The following GMIP variants were observed in gnomAD, a reference collection of about 807,000 sequenced individuals.
GMIP encodes GEM interacting protein.
A neutral mutation model predicts 105.3 loss-of-function variants in GMIP; 54 were observed. The observed-to-expected ratio is 0.51, with a 90% CI of 0.41 to 0.64. GMIP has a LOEUF of 0.64. Ranked by LOEUF, GMIP falls within the 30% of genes least tolerant of loss-of-function variation. The pLI, the probability that GMIP is intolerant of heterozygous loss-of-function variation, is 0.00. For synonymous variants in GMIP, 541 were observed against 560.8 expected, an observed-to-expected ratio of 0.96 and a Z score of 0.50; for missense variants, 1,110 against 1,319.4, an observed-to-expected ratio of 0.84 and a Z score of 2.46.
chr19:19,629,730 G>C lies in GMIP; in HGVS notation c.*233C>G. On this transcript the variant is annotated 3_prime_UTR_variant, in exon 21 of 21. Transcript: ENST00000203556. The stretch of plus-strand genomic sequence containing the variant: ...GTGACCTCTGAGCCCGAGTGGCCCT[G>C]ATGCTTGGCAGTGACCTGTGTCTAG... 1.8e-6 allele frequency: 1 copy of C among 562,028 alleles called. No individual in the cohort carries two copies. The highest frequency in any genetic ancestry group is 3.1e-6 in the Non-Finnish European group (1 of 319,344). 34.8% of individuals were successfully genotyped at this position (562,028 alleles called of 1,614,324 possible). A position where few individuals can be genotyped will look rare whatever the true frequency, so the allele number is the denominator to read the frequency against.
In GMIP at chr19:19,638,055, C is replaced by A; in HGVS notation, c.792G>T (p.Ala264=). 2.6e-6 allele frequency: 4 copies of A among 1,563,252 alleles called. No homozygotes were observed. Among genetic ancestry groups the A allele is most frequent in the Non-Finnish European group, 2.6e-6 (3 of 1,156,422 alleles). The change falls in exon 10 of 21, where the codon GCG becomes GCT. Residue 264 remains alanine (A), a splice_region_variant and synonymous_variant. Transcript: ENST00000203556. ...RRSREEAQAK[A]QEAEALYQAC... ...CCTGGTACAGCGCCTCGGCCTCCTG[C>A]GCCTGGGGAAACGGGAGGCCAGGAG...
At chr19:19,638,786 T>G (rs904414742) in intron 7 of GMIP, among the ~76,000 whole-genome samples, 18 of 151,344 alleles carry the variant, frequency 1.2e-4, no homozygotes, top group African/African-American at 3.9e-4. Context: ...TTCTTTTTTT[T>G]TTTTTTTTTG....
intron 19 of GMIP, 58 bp downstream of exon 19, chr19:19,633,744 TA>T: frequency 8.4e-7 from 1 of 1,197,160 alleles, no homozygotes; most frequent in Non-Finnish European, 1.1e-6. Flanking sequence ...AAAGAGAAGG[TA>T]AGAGAATTGA....
In GMIP at chr19:19,636,993, A is replaced by T; in HGVS notation, c.1161T>A (p.Pro387=). The T allele has an allele frequency of 1.9e-6, 3 of 1,578,812 alleles. No homozygotes were observed. Among genetic ancestry groups the T allele is most frequent in the African/African-American group, 1.3e-5 (1 of 74,322 alleles). ...PLDIRKKLSG[P]LPPRLDENSA... ...AATTCTCATCCAGCCTTGGAGGAAG[A>T]GGCCCAGAGAGCTTCTTTCTGATGT... The change falls in exon 12 of 21, where the codon CCT becomes CCA. Residue 387 remains proline (P), a synonymous_variant. Transcript: ENST00000203556.
rs1317187135 is a variant in GMIP at position 19,634,180 on chromosome 19, G to A, written c.2095C>T (p.Arg699Ter). ...LVAHLFRVAA[R>*]FMENKMSANN... ...GCAGACATCTTGTTTTCCATAAATC[G>A]TGCAGCCACCCTGGGGATGGTGTGA... is the stretch of plus-strand genomic sequence containing the variant. Residue 699 changes from arginine (R) to a stop codon, truncating the protein, a stop_gained, in exon 19 of 21, where the codon CGA becomes TGA. Coordinates refer to ENST00000203556, the MANE Select transcript of GMIP (RefSeq NM_016573.4). LOFTEE classifies it high-confidence loss of function. The surrounding 1 kb of genome is among the most constrained non-coding windows in gnomAD (Gnocchi z 6.1). 3.8e-6 allele frequency: 6 copies of A among 1,598,016 alleles called. No homozygotes were observed. The highest frequency in any genetic ancestry group is 2.2e-5 in the South Asian group (2 of 90,080).
chr19:19,633,668 A>G (rs1252558852), intron 19 of GMIP, 135 bp downstream of exon 19: 4 of 620,634 alleles, frequency 6.4e-6, no homozygotes, highest in Non-Finnish European at 7.4e-6. Flanking sequence ...TCCTTCCAGA[A>G]TGAACATAAG....
Position 19,630,183 on chromosome 19 carries a change from G to T in GMIP, c.2693C>A (p.Thr898Asn), listed in dbSNP as rs1219488502. The T allele has an allele frequency of 1.2e-6, 2 of 1,603,380 alleles. No individual in the cohort carries two copies. The highest frequency in any genetic ancestry group is 8.5e-7 in the Non-Finnish European group (1 of 1,172,678). Residue 898 changes from threonine (T) to asparagine (N), a missense_variant, in exon 21 of 21, where the codon ACC (threonine) becomes AAC (asparagine). Thr to Asn is a moderately conservative substitution (Grantham distance 65). Around this residue, in one of 3 missense-constraint regions of GMIP, gnomAD observed 394 missense variants for 450.5 expected, o/e 0.87. Coordinates refer to ENST00000203556, the MANE Select transcript of GMIP (RefSeq NM_016573.4). This position sits in a 1 kb window ranked among gnomAD's most constrained non-coding sequence, Gnocchi z 4.8. Reference sequence around the variant, plus strand: ...CCCTCTGGGCACTGATGTGATGGGGGTCTCCTCGCACAGCTTGGAAGCCAC... The same window carrying T: ...CCCTCTGGGCACTGATGTGATGGGGTTCTCCTCGCACAGCTTGGAAGCCAC... ...ALVASKLCEE[T>N]PITSVPRGSL...
rs1302462433 is a variant in GMIP, at chr19:19,630,092, G to T, written c.2784C>A (p.Thr928=). The T allele has an allele frequency of 6.2e-7, 1 of 1,610,958 alleles. No homozygotes were observed. Among genetic ancestry groups the T allele is most frequent in the Non-Finnish European group, 8.5e-7 (1 of 1,178,914 alleles). ...ASPEGSPLRR[T]PLPKHFEITQ... is the part of the protein sequence containing the mutation. ...TAATCTCAAAATGCTTGGGCAGCGGGGTGCGGCGCAGGGGGCTGCCCTCAG... is the reference window on the plus strand; with the variant it reads ...TAATCTCAAAATGCTTGGGCAGCGGTGTGCGGCGCAGGGGGCTGCCCTCAG... Residue 928 remains threonine, a synonymous_variant, in exon 21 of 21, where the codon ACC becomes ACA. Coordinates refer to ENST00000203556, the MANE Select transcript of GMIP (RefSeq NM_016573.4). The surrounding 1 kb of genome is among the most constrained non-coding windows in gnomAD (Gnocchi z 4.8).
Position 19,637,554 on chromosome 19 carries a change from A to G in GMIP, c.935T>C (p.Leu312Pro). Residue 312 changes from leucine (L) to proline (P), a missense_variant, in exon 11 of 21, where the codon CTG becomes CCG. Physicochemically the swap from Leu to Pro is moderately conservative, Grantham distance 98. Transcript: ENST00000203556. This position sits in a 1 kb window ranked among gnomAD's most constrained non-coding sequence, Gnocchi z 6.7. ...QGDEVLRRVT[L>P]SLFGLRGAQA... ...CGCCCCCCGCAGCCCGAAGAGACTC[A>G]GCGTCACCTGCCGGGTGGAGACAGC... The G allele has an allele frequency of 1.3e-6, 2 of 1,525,268 alleles. No homozygotes were observed. Among genetic ancestry groups the G allele is most frequent in the Non-Finnish European group, 1.8e-6 (2 of 1,141,514 alleles). 94.5% of individuals were successfully genotyped at this position (1,525,268 alleles called of 1,614,324 possible). A position where few individuals can be genotyped will look rare whatever the true frequency, so the allele number is the denominator to read the frequency against.
chr19:19,636,352 G>A (rs1389855450), intron 13 of GMIP, among the ~76,000 whole-genome samples: 2 of 151,644 alleles, frequency 1.3e-5, no homozygotes, highest in African/African-American at 4.8e-5. Flanking sequence ...GTGAAACCCC[G>A]TCTCTACTAA....
In GMIP at chr19:19,640,553, C is replaced by T. The variant is rs776634856; in HGVS notation, c.257G>A (p.Arg86Gln). 8.7e-6 allele frequency: 14 copies of T among 1,613,916 alleles called. No individual in the cohort carries two copies. Among genetic ancestry groups the T allele is most frequent in the African/African-American group, 2.7e-5 (2 of 74,972 alleles). ...VPLTGEELDL[R>Q]LIRTKGGVDA... is the part of the protein sequence containing the mutation. ...CACACCCCCCTTTGTCCGAATGAGC[C>T]GCAAGTCCAGTTCCTCCCCTGGGGA... The change falls in exon 5 of 21, where the codon CGG becomes CAG. Residue 86 changes from arginine to glutamine, a missense_variant. Coordinates refer to ENST00000203556, the MANE Select transcript of GMIP (RefSeq NM_016573.4).
Position 19,630,389 on chromosome 19 carries a change from C to A in GMIP, c.2540-53G>T. 6.4e-7 allele frequency: 1 copy of A among 1,571,724 alleles called. No homozygotes were observed. The highest frequency in any genetic ancestry group is 8.6e-7 in the Non-Finnish European group (1 of 1,161,342). ...GAGCACCTCCAAGTTCTCTGTATAT[C>A]CCCCCAGGAGTCATCTTTTAGCAAG... is the stretch of plus-strand genomic sequence containing the variant. On this transcript the variant is annotated intron_variant, in intron 20 of 20. Coordinates refer to ENST00000203556, the MANE Select transcript of GMIP (RefSeq NM_016573.4). This position sits in a 1 kb window ranked among gnomAD's most constrained non-coding sequence, Gnocchi z 4.8.
chr19:19,634,370 A>C lies in GMIP; in HGVS notation c.2084+137T>G. The C allele has an allele frequency of 9.9e-7, 1 of 1,007,984 alleles. No homozygotes were observed. Among genetic ancestry groups the C allele is most frequent in the Non-Finnish European group, 1.5e-6 (1 of 672,660 alleles). 62.4% of individuals were successfully genotyped at this position (1,007,984 alleles called of 1,614,324 possible). ...TCAGGGGTCAGTACCCAAAGTTATG[A>C]ATCATGGATTAAGGTTCAGAGTTCA... On this transcript the variant is annotated intron_variant, in intron 18 of 20. Coordinates refer to ENST00000203556, the MANE Select transcript of GMIP (RefSeq NM_016573.4). The surrounding 1 kb of genome is among the most constrained non-coding windows in gnomAD (Gnocchi z 6.1).
rs112215907 is a variant in GMIP at position 19,636,495 on chromosome 19, G to C, written c.1327+212C>G. Among the ~76,000 whole-genome samples the C allele has an allele frequency of 6.6e-3, 1,002 of 152,210 alleles. 11 individuals are homozygous for C. Among genetic ancestry groups the C allele is most frequent in the African/African-American group, 0.022 (919 of 41,530 alleles). ...CCGAGATCACGCCACTGCACTCCAG[G>C]CTGGGCGACAGAATGAGACTGTCTC... On this transcript the variant is annotated intron_variant, in intron 13 of 20. Transcript: ENST00000203556.
In GMIP at chr19:19,637,706, AG is replaced by A; in HGVS notation, c.928-146del. ...GGCTTAGGAACTAGGGCAGTCGGCC[AG>A]GGGACCCAGGCATGGTCAGAGCAGG... On this transcript the variant is annotated intron_variant, in intron 10 of 20. Coordinates refer to ENST00000203556, the MANE Select transcript of GMIP (RefSeq NM_016573.4). This position sits in a 1 kb window ranked among gnomAD's most constrained non-coding sequence, Gnocchi z 6.7. The A allele has an allele frequency of 2.4e-6, 2 of 825,752 alleles. No homozygotes were observed. The highest frequency in any genetic ancestry group is 1.8e-5 in the African/African-American group (1 of 56,176). 51.2% of individuals were successfully genotyped at this position (825,752 alleles called of 1,614,324 possible). A position where few individuals can be genotyped will look rare whatever the true frequency, so the allele number is the denominator to read the frequency against.
Position 19,640,344 on chromosome 19 carries a change from C to T in GMIP, c.381G>A (p.Lys127=). 6.2e-7 allele frequency: 1 copy of T among 1,613,990 alleles called. No homozygotes were observed. Among genetic ancestry groups the T allele is most frequent in the Non-Finnish European group, 8.5e-7 (1 of 1,180,010 alleles). The change falls in exon 6 of 21, where the codon AAG becomes AAA. Residue 127 remains lysine, a synonymous_variant. Transcript: ENST00000203556. ...CAGCTTCAGCGATCTTCATGGTGCTCTTAGCAAACTCCAGCTCTGGGGGAA... is the reference window on the plus strand; with the variant it reads ...CAGCTTCAGCGATCTTCATGGTGCTTTTAGCAAACTCCAGCTCTGGGGGAA... ...KRASYELEFA[K]STMKIAEAGK...
In GMIP at chr19:19,634,551, G is replaced by A; in HGVS notation, c.2040C>T (p.Asp680=). 1.2e-6 allele frequency: 2 copies of A among 1,613,506 alleles called. No homozygotes were observed. Among genetic ancestry groups the A allele is most frequent in the Non-Finnish European group, 1.7e-6 (2 of 1,179,836 alleles). Residue 680 remains aspartate, a synonymous_variant, in exon 18 of 21, where the codon GAC becomes GAT. Coordinates refer to ENST00000203556, the MANE Select transcript of GMIP (RefSeq NM_016573.4). The surrounding 1 kb of genome is among the most constrained non-coding windows in gnomAD (Gnocchi z 6.1). ...GGTGCCGCAGGGTGTTGTAGTTAGAGTCAGGCAGCTGTACCAAGAGGGTCT... is the reference window on the plus strand; with the variant it reads ...GGTGCCGCAGGGTGTTGTAGTTAGAATCAGGCAGCTGTACCAAGAGGGTCT... ...SLKTLLVQLP[D]SNYNTLRHLV...
intron 19 of GMIP, among the ~76,000 whole-genome samples, chr19:19,633,523 T>G (rs183318805): frequency 7.0e-4 from 106 of 152,348 alleles, no homozygotes; most frequent in Non-Finnish European, 1.4e-3. Flanking sequence ...CTGCAATGCC[T>G]ACGACAATGC....
rs1330971904 is a variant in GMIP at position 19,630,621 on chromosome 19, G to A, written c.2473-84C>T. ...CCTGGAGAGCCAAGGGCTTGTTCCT[G>A]GACATGCAAAAGGAATAGCCAGTGC... On this transcript the variant is annotated intron_variant, in intron 19 of 20. Transcript: ENST00000203556. The surrounding 1 kb of genome is among the most constrained non-coding windows in gnomAD (Gnocchi z 4.8). 4.8e-6 allele frequency: 6 copies of A among 1,243,642 alleles called. No individual in the cohort carries two copies. The highest frequency in any genetic ancestry group is 3.6e-5 in the South Asian group (3 of 82,718). The allele number at this position is 1,243,642 out of a possible 1,614,324, so 77.0% of individuals were successfully genotyped here.
Sources: allele counts gnomAD v4.1 joint callset (sites outside exome capture counted in the v4.1 genomes callset), GRCh38; gene constraint gnomAD v4.1.1; regional missense constraint gnomAD v4.1.1; non-coding constraint Gnocchi (gnomAD v3.1); transcripts MANE v1.5; gene names NCBI Gene and HGNC (gene_info 2026-07-23, HGNC 2026-07-21).